KIDINS220: variants seen among roughly 807,000 people sequenced by gnomAD.
The protein encoded by KIDINS220 is kinase D interacting substrate 220.
In KIDINS220, 63 loss-of-function variants were observed where a neutral mutation model predicts 157.6. That is an observed-to-expected ratio of 0.40 (90% CI 0.33 to 0.49). The LOEUF (loss-of-function observed/expected upper bound fraction) is 0.49. Ranked by LOEUF, KIDINS220 falls within the 20% of genes least tolerant of loss-of-function variation. The pLI is 0.66. For missense variants in KIDINS220, 1,772 were observed against 2,171.2 expected, an observed-to-expected ratio of 0.82 and a Z score of 3.65; for synonymous variants, 732 against 783.6, an observed-to-expected ratio of 0.93 and a Z score of 1.10.
chr2:8,811,896 G>A (rs1676372785), intron 6 of KIDINS220, among the ~76,000 whole-genome samples: 2 of 152,224 alleles, frequency 1.3e-5, no homozygotes, highest in Non-Finnish European at 1.5e-5. Flanking sequence ...GAAGGGCCCT[G>A]GACCGTGGGT....
intron 1 of KIDINS220, among the ~76,000 whole-genome samples, chr2:8,834,576 C>T (rs1349889295): frequency 6.6e-6 from 1 of 151,840 alleles, no homozygotes; most frequent in East Asian, 1.9e-4. Flanking sequence ...TCTGCTTCCC[C>T]TAGCCAAACA....
At chr2:8,792,437 T>C (rs1406876987) in intron 12 of KIDINS220, among the ~76,000 whole-genome samples, 3 of 152,068 alleles carry the variant, frequency 2.0e-5, no homozygotes, top group Non-Finnish European at 4.4e-5. Flanking sequence ...GGGCAAAGGA[T>C]ACAAAAAGGA....
At chr2:8,807,664 C>G (rs1304992067) in intron 6 of KIDINS220, among the ~76,000 whole-genome samples, 2 of 152,140 alleles carry the variant, frequency 1.3e-5, no homozygotes, top group Non-Finnish European at 1.5e-5. Context: ...AGGGCTGGAG[C>G]CCTGGACAGG....
At chr2:8,787,215 CT>C (rs1236240240) in intron 15 of KIDINS220, among the ~76,000 whole-genome samples, 1 of 151,526 alleles carries the variant, frequency 6.6e-6, no homozygotes, top group African/African-American at 2.4e-5. Flanking sequence ...CTTTTAAATC[CT>C]TTTCTTAATA....
At chr2:8,828,083 T>G (rs1379562859) in intron 1 of KIDINS220, among the ~76,000 whole-genome samples, 1 of 152,150 alleles carries the variant, frequency 6.6e-6, no homozygotes, top group Non-Finnish European at 1.5e-5. Flanking sequence ...AATCAAATGT[T>G]TTTACCTTGG....
intron 15 of KIDINS220, 43 bp downstream of exon 15, chr2:8,788,604 T>C: frequency 6.3e-7 from 1 of 1,574,956 alleles, no homozygotes; most frequent in Admixed American, 1.8e-5. Context: ...TATTTTTTTC[T>C]GAATCTCATT....
At position 8,747,956 on chromosome 2, in the gene KIDINS220, G is replaced by C; in HGVS notation, c.3459C>G (p.Gly1153=). Residue 1153 remains glycine (G), a synonymous_variant, in exon 25 of 30, where the codon GGC becomes GGG. Coordinates refer to ENST00000256707, the MANE Select transcript of KIDINS220 (RefSeq NM_020738.4). ...PYLYTPRYYP[G]GSQHLISRPS... The stretch of plus-strand genomic sequence containing the variant: ...GACGTGAGATGAGATGTTGGGAGCC[G>C]CCAGGGTAATACCTTGGCGTGTAAA... 2 of 1,603,644 alleles carry C rather than the reference G, an allele frequency of 1.2e-6. No individual in the cohort carries two copies. Among genetic ancestry groups the C allele is most frequent in the Non-Finnish European group, 1.7e-6 (2 of 1,175,620 alleles).
intron 22 of KIDINS220, among the ~76,000 whole-genome samples, chr2:8,753,728 C>A (rs576270072): frequency 3.7e-4 from 56 of 152,264 alleles, no homozygotes; most frequent in Non-Finnish European, 7.5e-4. Context: ...ACAGTTATAT[C>A]ATTTCTTTGG....
rs543778614 is a variant in KIDINS220 at position 8,820,593 on chromosome 2, G to T, written c.109-1800C>A. Among the ~76,000 whole-genome samples, 219 of 152,230 alleles carry T rather than the reference G, an allele frequency of 1.4e-3. 2 individuals are homozygous for T. The highest frequency in any genetic ancestry group is 5.0e-3 in the African/African-American group (208 of 41,516). On this transcript the variant is annotated intron_variant, in intron 2 of 29. Transcript: ENST00000256707. ...TTAAATATAGACATTCCTATGTAAGGATGGATGCTAAATTATACGTGGTAG... is the reference window on the plus strand; with the variant it reads ...TTAAATATAGACATTCCTATGTAAGTATGGATGCTAAATTATACGTGGTAG...
intron 25 of KIDINS220, chr2:8,747,647 C>T: frequency 2.8e-6 from 1 of 360,562 alleles, no homozygotes; most frequent in Non-Finnish European, 4.9e-6. Flanking sequence ...TATTACAAGC[C>T]AGAAATTTCT....
At chr2:8,810,566 A>G (rs565192035) in intron 6 of KIDINS220, among the ~76,000 whole-genome samples, 1 of 152,296 alleles carries the variant, frequency 6.6e-6, no homozygotes, top group Admixed American at 6.5e-5. Context: ...CGGGTGGATC[A>G]CCTGAGCTCA....
Position 8,731,328 on chromosome 2 carries a change from T to C in KIDINS220, c.4708A>G (p.Lys1570Glu), listed in dbSNP as rs779569943. ...AGGAGCGCATCCGATAAATACTCTT[T>C]GGCTTTAATGAAGGTTCTGATCGGC... ...AEPIRTFIKAKEYLSDALLDK... is the reference protein window; with the variant it reads ...AEPIRTFIKAEEYLSDALLDK... The change falls in exon 30 of 30, where the codon AAA (lysine) becomes GAA (glutamate). Residue 1570 changes from lysine (K) to glutamate (E), a missense_variant. Lys to Glu is a moderately conservative substitution (Grantham distance 56, BLOSUM62 1). Coordinates refer to ENST00000256707, the MANE Select transcript of KIDINS220 (RefSeq NM_020738.4). The surrounding 1 kb of genome is among the most constrained non-coding windows in gnomAD (Gnocchi z 5.2). The C allele has an allele frequency of 7.4e-6, 12 of 1,614,096 alleles. No homozygotes were observed. The highest frequency in any genetic ancestry group is 1.0e-5 in the Non-Finnish European group (12 of 1,180,046).
intron 25 of KIDINS220, 165 bp from the exon 26 acceptor site, chr2:8,747,366 T>A (rs1286768884): frequency 6.5e-6 from 4 of 612,072 alleles, no homozygotes; most frequent in African/African-American, 5.6e-5. Context: ...TTTCTTTTTT[T>A]AAACTATTAC....
At position 8,807,967 on chromosome 2, in the gene KIDINS220, C is replaced by CA. The variant is rs544532812; in HGVS notation, c.505-1599dup. Among the ~76,000 whole-genome samples, 707 of 152,000 alleles carry CA rather than the reference C, an allele frequency of 4.7e-3. 3 individuals carry two copies. The highest frequency in any genetic ancestry group is 8.3e-3 in the Admixed American group (127 of 15,262). ...TGAAATCCTATCTCTACTAAAAATACAAAAAAATTAGCCAGGCGTGGTGGT... is the reference window on the plus strand; with the variant it reads ...TGAAATCCTATCTCTACTAAAAATACAAAAAAAATTAGCCAGGCGTGGTGGT... On this transcript the variant is annotated intron_variant, in intron 6 of 29. Coordinates refer to ENST00000256707, the MANE Select transcript of KIDINS220 (RefSeq NM_020738.4).
In KIDINS220 at chr2:8,798,215, T is replaced by A. The variant is rs1178947907; in HGVS notation, c.986A>T (p.Glu329Val). 6.2e-7 allele frequency: 1 copy of A among 1,601,316 alleles called. No homozygotes were observed. Among genetic ancestry groups the A allele is most frequent in the Non-Finnish European group, 8.6e-7 (1 of 1,168,476 alleles). ...TGCCATTTATACCTTTGTGCATATT[T>A]CAGTGTCAGGATTGCACTGTAAGAT... The part of the protein sequence containing the change: ...RDILQCNPDT[E>V]ICTKDGETPL... The change falls in exon 10 of 30, where the codon GAA becomes GTA. Residue 329 changes from glutamate to valine, a missense_variant. Coordinates refer to ENST00000256707, the MANE Select transcript of KIDINS220 (RefSeq NM_020738.4).
chr2:8,760,739 A>G (rs6705257), intron 22 of KIDINS220, among the ~76,000 whole-genome samples: 32,567 of 152,162 alleles, frequency 0.21, 4,332 homozygotes, highest in Middle Eastern at 0.32. Flanking sequence ...TCACTAACTG[A>G]ATTTGTTAGG....
At position 8,803,121 on chromosome 2, in the gene KIDINS220, T is replaced by C. The variant is rs1674952230; in HGVS notation, c.610A>G (p.Met204Val). The change falls in exon 8 of 30, where the codon ATG (methionine) becomes GTG (valine). Residue 204 changes from methionine (M) to valine (V), a missense_variant. By Grantham distance (21) the Met-to-Val change is conservative (BLOSUM62 1). Coordinates refer to ENST00000256707, the MANE Select transcript of KIDINS220 (RefSeq NM_020738.4). Reference sequence around the variant, plus strand: ...TTCACTGCCACAATAAGTGCAGTCATTGAATTCTAAAAACAACAACAACAA... The same window carrying C: ...TTCACTGCCACAATAAGTGCAGTCACTGAATTCTAAAAACAACAACAACAA... ...ADVDQEGANS[M>V]TALIVAVKGG... The C allele has an allele frequency of 1.2e-6, 2 of 1,606,236 alleles. No individual in the cohort carries two copies. Among genetic ancestry groups the C allele is most frequent in the Non-Finnish European group, 1.7e-6 (2 of 1,178,114 alleles).
intron 9 of KIDINS220, among the ~76,000 whole-genome samples, chr2:8,799,822 A>T (rs1674449147): frequency 6.6e-6 from 1 of 152,204 alleles, no homozygotes; most frequent in Non-Finnish European, 1.5e-5. Flanking sequence ...CTTTTTCTAA[A>T]GTCTAAAGCT....
intron 21 of KIDINS220, among the ~76,000 whole-genome samples, chr2:8,772,687 A>G (rs1360800624): frequency 6.6e-6 from 1 of 152,226 alleles, no homozygotes; most frequent in Non-Finnish European, 1.5e-5. Context: ...ATAATCCAAT[A>G]AAACAAATTT....
Sources: allele counts gnomAD v4.1 joint callset (sites outside exome capture counted in the v4.1 genomes callset), GRCh38; gene constraint gnomAD v4.1.1; non-coding constraint Gnocchi (gnomAD v3.1); transcripts MANE v1.5; gene names NCBI Gene and HGNC (gene_info 2026-07-23, HGNC 2026-07-21).